Variants in CSMD1 observed in about 807,000 individuals in gnomAD.
CSMD1 encodes the protein CUB and sushi domain-containing protein 1.
In CSMD1, 213 loss-of-function variants were observed where a neutral mutation model predicts 417.5. That is an observed-to-expected ratio of 0.51 (90% CI 0.46 to 0.57). The LOEUF (loss-of-function observed/expected upper bound fraction) is 0.57, where lower values mean the gene tolerates loss of function less well. Ranked by LOEUF, CSMD1 falls within the 20% of genes least tolerant of loss-of-function variation. The pLI, the probability that CSMD1 is intolerant of heterozygous loss-of-function variation, is 0.00. For missense variants in CSMD1, 6,923 were observed against 4,529.7 expected (o/e 1.53, Z -15.17); for synonymous variants, 2,862 against 1,736.8 (o/e 1.65, Z -16.11).
At chr8:4,086,266 A>G (rs986728523) in intron 3 of CSMD1, among the ~76,000 whole-genome samples, 1 of 152,212 alleles carries the variant, frequency 6.6e-6, no homozygotes, top group Non-Finnish European at 1.5e-5. Flanking sequence ...AAGACCTCCA[A>G]GAGGGAGGGA....
Position 4,497,308 on chromosome 8 carries a change from C to T in CSMD1, c.303-77243G>A, listed in dbSNP as rs924872622. Reference sequence around the variant, plus strand: ...CAACCCAAAGCAAGGAATTTTGAAACGATTATCTCTCACTTGACAAAGTAA... The same window carrying T: ...CAACCCAAAGCAAGGAATTTTGAAATGATTATCTCTCACTTGACAAAGTAA... On this transcript the variant is annotated intron_variant, in intron 2 of 69. Coordinates refer to ENST00000635120, the MANE Select transcript of CSMD1 (RefSeq NM_033225.6). Among the ~76,000 whole-genome samples the T allele has an allele frequency of 2.6e-5, 4 of 152,136 alleles. No individual in the cohort carries two copies. The South Asian group carries it at 6.2e-4, about 24-fold the overall frequency.
chr8:3,171,702 A>T (rs1820593898), intron 37 of CSMD1, among the ~76,000 whole-genome samples: 1 of 152,258 alleles, frequency 6.6e-6, no homozygotes, highest in African/African-American at 2.4e-5. Context: ...CAAAGGAATT[A>T]TTTAAAAAAA....
intron 25 of CSMD1, among the ~76,000 whole-genome samples, chr8:3,299,475 G>T (rs1206776485): frequency 6.6e-6 from 1 of 152,026 alleles, no homozygotes; most frequent in East Asian, 1.9e-4. Flanking sequence ...ATGCAATGTG[G>T]TATCATCGCT....
At chr8:3,603,610 A>G (rs1801467131) in intron 8 of CSMD1, among the ~76,000 whole-genome samples, 1 of 152,188 alleles carries the variant, frequency 6.6e-6, no homozygotes, top group African/African-American at 2.4e-5. Flanking sequence ...ACTTAGGGAC[A>G]TGGAATGGAA....
At chr8:4,934,789 T>C (rs1359994773) in intron 1 of CSMD1, among the ~76,000 whole-genome samples, 1 of 152,066 alleles carries the variant, frequency 6.6e-6, no homozygotes, top group African/African-American at 2.4e-5. Context: ...CTATCAATCA[T>C]CTATTATCTA....
chr8:4,694,165 C>T (rs552392086), intron 1 of CSMD1, among the ~76,000 whole-genome samples: 2 of 152,278 alleles, frequency 1.3e-5, no homozygotes, highest in South Asian at 2.1e-4. Flanking sequence ...AAAGACAGAG[C>T]TCAAAGCCTT....
intron 2 of CSMD1, among the ~76,000 whole-genome samples, chr8:4,612,379 A>G (rs959481877): frequency 1.3e-5 from 2 of 152,206 alleles, no homozygotes; most frequent in Non-Finnish European, 2.9e-5. Context: ...TGGTTTTCCA[A>G]TCGTACAAGT....
chr8:3,892,873 G>C (rs912296820), intron 5 of CSMD1, among the ~76,000 whole-genome samples: 1 of 151,950 alleles, frequency 6.6e-6, no homozygotes, highest in Non-Finnish European at 1.5e-5. Context: ...CAGAGCAGGT[G>C]AGTGGAGAGG....
At chr8:3,595,303 T>C (rs2469356) in intron 8 of CSMD1, among the ~76,000 whole-genome samples, 1,974 of 152,302 alleles carry the variant, frequency 0.013, 53 homozygotes, top group African/African-American at 0.045. Context: ...GAAAATGCCA[T>C]CATCGGAGAG....
At chr8:3,671,534 TATATATATATGATC>T (rs1563256954) in intron 7 of CSMD1, among the ~76,000 whole-genome samples, 1 of 9,416 alleles carries the variant, frequency 1.1e-4, no homozygotes, top group Non-Finnish European at 2.0e-4. Context: ...TGATCATATA[TATATATATATGATC>T]ATATATATGA....
At chr8:4,041,855 C>G (rs780148634) in intron 3 of CSMD1, among the ~76,000 whole-genome samples, 1 of 151,904 alleles carries the variant, frequency 6.6e-6, no homozygotes, top group Admixed American at 6.6e-5. Context: ...AGAGTTAAAA[C>G]CATCTGAGAT....
chr8:4,868,248 C>T (rs1417269898), intron 1 of CSMD1, among the ~76,000 whole-genome samples: 1 of 152,014 alleles, frequency 6.6e-6, no homozygotes, highest in Non-Finnish European at 1.5e-5. Flanking sequence ...ATTTTCTTTC[C>T]TTTAAGACAG....
At chr8:3,277,515 C>T (rs1020768463) in intron 26 of CSMD1, among the ~76,000 whole-genome samples, 1 of 152,026 alleles carries the variant, frequency 6.6e-6, no homozygotes, top group African/African-American at 2.4e-5. Flanking sequence ...GTTGGATTCT[C>T]TGTGTGGTGT....
chr8:4,262,869 C>G (rs1017049637), intron 3 of CSMD1, among the ~76,000 whole-genome samples: 6 of 152,244 alleles, frequency 3.9e-5, no homozygotes, highest in African/African-American at 1.2e-4. Flanking sequence ...CCAATAAAAA[C>G]AGCATTTGCA....
chr8:3,256,805 G>C (rs947293861), intron 26 of CSMD1, among the ~76,000 whole-genome samples: 1 of 152,198 alleles, frequency 6.6e-6, no homozygotes, highest in Non-Finnish European at 1.5e-5. Flanking sequence ...TTTCTTGTAA[G>C]AACACTCTGA....
At chr8:3,816,134 C>A (rs895819846) in intron 5 of CSMD1, among the ~76,000 whole-genome samples, 1 of 152,164 alleles carries the variant, frequency 6.6e-6, no homozygotes, top group Non-Finnish European at 1.5e-5. Context: ...CAATCGCAGG[C>A]TCAGTCTCAA....
At chr8:4,244,739 T>C (rs1802601089) in intron 3 of CSMD1, among the ~76,000 whole-genome samples, 1 of 152,158 alleles carries the variant, frequency 6.6e-6, no homozygotes, top group Admixed American at 6.5e-5. Flanking sequence ...GAATAATTTT[T>C]TTACAGTGAA....
chr8:3,877,515 C>T lies in CSMD1; in HGVS notation c.818+120388G>A, dbSNP rs1404822151. Among the ~76,000 whole-genome samples, 14 of 152,098 alleles carry T rather than the reference C, an allele frequency of 9.2e-5. 1 individual carries two copies. ...GAGGGAGGAAATTTACTTATGGATA[C>T]CCTCAAGCTTCGATGTTCCCCATAT... is the stretch of plus-strand genomic sequence containing the variant. On this transcript the variant is annotated intron_variant, in intron 5 of 69. Transcript: ENST00000635120.
At chr8:3,844,710 C>G (rs558669502) in intron 5 of CSMD1, among the ~76,000 whole-genome samples, 2 of 152,130 alleles carry the variant, frequency 1.3e-5, no homozygotes, top group Admixed American at 6.6e-5. Flanking sequence ...AGTTTTATTT[C>G]TGATAAACTG....
Sources: gnomAD v4.1 joint callset for allele counts (sites outside exome capture counted in the v4.1 genomes callset) on GRCh38, gnomAD v4.1.1 for gene constraint, MANE v1.5 for transcripts, NCBI Gene and HGNC (gene_info 2026-07-23, HGNC 2026-07-21) for gene names.